The following TMEM255B variants were observed in gnomAD, a reference collection of about 807,000 sequenced individuals.
TMEM255B encodes the protein family with sequence similarity 70, member B.
Under a neutral mutation model 34.5 loss-of-function variants are expected in TMEM255B, and 35 were observed. The ratio of observed to expected loss-of-function variants is 1.01; its 90% CI spans 0.77 to 1.34. The LOEUF is 1.34. TMEM255B is among the 40% of genes most tolerant of loss of function. TMEM255B has a pLI of 0.00. For synonymous variants in TMEM255B, 206 were observed against 201.2 expected (o/e 1.02, Z -0.20); for missense variants, 432 against 433.2 (o/e 1.00, Z 0.02).
rs2050454385 is a variant in TMEM255B at position 113,770,150 on chromosome 13, C to G, written c.252+990C>G. Among the ~76,000 whole-genome samples the G allele has an allele frequency of 6.6e-6, 1 of 152,188 alleles. No homozygotes were observed. Among genetic ancestry groups the G allele is most frequent in the Non-Finnish European group, 1.5e-5 (1 of 68,036 alleles). On this transcript the variant is annotated intron_variant, in intron 3 of 8. Coordinates refer to ENST00000375353, the MANE Select transcript of TMEM255B (RefSeq NM_182614.4). This position sits in a 1 kb window ranked among gnomAD's most constrained non-coding sequence, Gnocchi z 4.6. ...AGGTTTAATTGAACTCACAGTTCCA[C>G]GTGGCTGGGGAAGCCTCACGATCAC...
At chr13:113,808,200 G>C (rs935600580) in intron 8 of TMEM255B, among the ~76,000 whole-genome samples, 4 of 152,160 alleles carry the variant, frequency 2.6e-5, no homozygotes, top group African/African-American at 9.7e-5. Flanking sequence ...TCCCACTTGA[G>C]ACAGTGGGGG....
At chr13:113,796,484 CACACACACT>C (rs1454755872) in intron 4 of TMEM255B, among the ~76,000 whole-genome samples, 1 of 137,146 alleles carries the variant, frequency 7.3e-6, no homozygotes, top group Non-Finnish European at 1.6e-5. Context: ...GAGCACACAC[CACACACACT>C]ACACACACCA....
rs1020379897 is a variant in TMEM255B at position 113,813,223 on chromosome 13, A to C, written c.*1320A>C. On this transcript the variant is annotated 3_prime_UTR_variant, in exon 9 of 9. Transcript: ENST00000375353. ...TCCCCAGACGTGCCACAAGACACCAAGTCGCCGTCTCTGCTCTGTGGGCCG... is the reference window on the plus strand; with the variant it reads ...TCCCCAGACGTGCCACAAGACACCACGTCGCCGTCTCTGCTCTGTGGGCCG... 3 of 152,160 alleles carry C rather than the reference A, an allele frequency of 2.0e-5. No individual in the cohort carries two copies. The highest frequency in any genetic ancestry group is 1.3e-4 in the Admixed American group (2 of 15,286). The allele number at this position is 152,160 out of a possible 1,614,324, so 9.4% of individuals were successfully genotyped here.
Position 113,812,081 on chromosome 13 carries a change from G to A in TMEM255B, c.*178G>A. 2.5e-6 allele frequency: 2 copies of A among 801,736 alleles called. No homozygotes were observed. Among genetic ancestry groups the A allele is most frequent in the Non-Finnish European group, 3.8e-6 (2 of 521,324 alleles). 49.7% of individuals were successfully genotyped at this position (801,736 alleles called of 1,614,324 possible). ...GGGAGGCTGGAACCAGGCAGGGAGT[G>A]GGGCCCTCCAGACCCAGGCTGGTGA... is the stretch of plus-strand genomic sequence containing the variant. On this transcript the variant is annotated 3_prime_UTR_variant, in exon 9 of 9. Transcript: ENST00000375353.
intron 4 of TMEM255B, among the ~76,000 whole-genome samples, chr13:113,797,199 G>C (rs1392394468): frequency 1.3e-5 from 2 of 152,266 alleles, no homozygotes; most frequent in Admixed American, 6.5e-5. Flanking sequence ...AAGTGTGGGA[G>C]CCTCTTGGTT....
chr13:113,812,045 C>A lies in TMEM255B; in HGVS notation c.*142C>A. 4.4e-6 allele frequency: 5 copies of A among 1,124,470 alleles called. No homozygotes were observed. The highest frequency in any genetic ancestry group is 5.0e-6 in the Non-Finnish European group (4 of 795,050). The allele number at this position is 1,124,470 out of a possible 1,614,324, so 69.7% of individuals were successfully genotyped here. ...TCTGTCCCCTCCTTTCCTCCCTGGG[C>A]ACACTGGTGAGGGAGGCTGGAACCA... On this transcript the variant is annotated 3_prime_UTR_variant, in exon 9 of 9. Transcript: ENST00000375353.
chr13:113,789,227 T>G (rs1363988649), intron 3 of TMEM255B, among the ~76,000 whole-genome samples: 3 of 152,088 alleles, frequency 2.0e-5, no homozygotes, highest in Admixed American at 1.3e-4. Context: ...CAGAGGCATT[T>G]GAAGGTGACC....
intron 2 of TMEM255B, chr13:113,768,239 T>C (rs965856413): frequency 8.5e-6 from 4 of 470,068 alleles, no homozygotes; most frequent in South Asian, 3.1e-5. Context: ...GGCAGGTCCA[T>C]GTTGGCTGCT....
At chr13:113,775,910 A>AG in intron 3 of TMEM255B, among the ~76,000 whole-genome samples, 1 of 152,172 alleles carries the variant, frequency 6.6e-6, no homozygotes, top group East Asian at 1.9e-4. Flanking sequence ...GCGGCCCCAC[A>AG]GGTGGCTTGA....
rs766792698 is a variant in TMEM255B at position 113,804,962 on chromosome 13, C to T, written c.747C>T (p.Ala249=). The change falls in exon 8 of 9, where the codon GCC becomes GCT. Residue 249 remains alanine (A), a synonymous_variant. Coordinates refer to ENST00000375353, the MANE Select transcript of TMEM255B (RefSeq NM_182614.4). Reference sequence around the variant, plus strand: ...ACAACCCCGCCCAGCAGATCCTGGCCTACGCAGGCTTCCGCCTGACGCCCG... The same window carrying T: ...ACAACCCCGCCCAGCAGATCCTGGCTTACGCAGGCTTCCGCCTGACGCCCG... ...TLYNPAQQIL[A]YAGFRLTPEP... 2 of 1,606,824 alleles carry T rather than the reference C, an allele frequency of 1.2e-6. No homozygotes were observed. The highest frequency in any genetic ancestry group is 3.3e-5 in the Admixed American group (2 of 59,974).
chr13:113,801,713 G>C lies in TMEM255B; in HGVS notation c.570G>C (p.Leu190=). The C allele has an allele frequency of 2.5e-6, 4 of 1,612,704 alleles. No individual in the cohort carries two copies. The highest frequency in any genetic ancestry group is 3.4e-6 in the Non-Finnish European group (4 of 1,179,706). The change falls in exon 7 of 9, where the codon CTG becomes CTC. Residue 190 remains leucine (L), a synonymous_variant. Coordinates refer to ENST00000375353, the MANE Select transcript of TMEM255B (RefSeq NM_182614.4). ...GCGTCAGCGGCTGCCAGGACGTGCT[G>C]CACCTGTACCGCCTGCTCTGGGCCT... ...FIGVSGCQDV[L]HLYRLLWASA...
In TMEM255B at chr13:113,805,040, A is replaced by G. The variant is rs1285214541; in HGVS notation, c.813+12A>G. 6.3e-6 allele frequency: 10 copies of G among 1,589,166 alleles called. No homozygotes were observed. Among genetic ancestry groups the G allele is most frequent in the Non-Finnish European group, 8.6e-6 (10 of 1,169,362 alleles). On this transcript the variant is annotated intron_variant, in intron 8 of 8. Transcript: ENST00000375353. ...CTCTGCCCCTTCAGGTAGGGCCAGC[A>G]TCACCTGCTGGAGTTGGACGCGCTG...
intron 8 of TMEM255B, among the ~76,000 whole-genome samples, chr13:113,807,808 G>C (rs1339247525): frequency 2.7e-4 from 25 of 93,194 alleles, no homozygotes; most frequent in Middle Eastern, 0.011. Flanking sequence ...CCCTATCACA[G>C]GAGGGCTTAC....
chr13:113,816,594 T>A lies in TMEM255B; in HGVS notation c.*4691T>A, dbSNP rs2051404893. The stretch of plus-strand genomic sequence containing the variant: ...CATCACCCTCGCCACACAGAGCAGC[T>A]CCTCCTGCAGACTTGGGGACCCCGT... On this transcript the variant is annotated 3_prime_UTR_variant, in exon 9 of 9. Coordinates refer to ENST00000375353, the MANE Select transcript of TMEM255B (RefSeq NM_182614.4). 1 of 152,246 alleles carries A rather than the reference T, an allele frequency of 6.6e-6. No individual in the cohort carries two copies. Among genetic ancestry groups the A allele is most frequent in the Non-Finnish European group, 1.5e-5 (1 of 68,164 alleles). The allele number at this position is 152,246 out of a possible 1,614,324, so 9.4% of individuals were successfully genotyped here. A position where few individuals can be genotyped will look rare whatever the true frequency, so the allele number is the denominator to read the frequency against.
At chr13:113,786,638 ATCATCACTG>A (rs2050750201) in intron 3 of TMEM255B, among the ~76,000 whole-genome samples, 1 of 53,722 alleles carries the variant, frequency 1.9e-5, no homozygotes, top group African/African-American at 4.2e-5. Flanking sequence ...CATCATCACC[ATCATCACTG>A]TCGTTACCCT....
chr13:113,784,302 A>G (rs772434719), intron 3 of TMEM255B, among the ~76,000 whole-genome samples: 8 of 152,124 alleles, frequency 5.3e-5, no homozygotes, highest in Non-Finnish European at 1.0e-4. Flanking sequence ...AATTAACCTG[A>G]GAAGAGACTG....
chr13:113,791,757 CT>C (rs1038004672), intron 3 of TMEM255B, among the ~76,000 whole-genome samples: 32 of 152,222 alleles, frequency 2.1e-4, no homozygotes, highest in Admixed American at 2.1e-3. Context: ...ATCTTTAAGT[CT>C]TTTTTCCTTC....
At position 113,816,397 on chromosome 13, in the gene TMEM255B, C is replaced by T. The variant is rs2051403383; in HGVS notation, c.*4494C>T. On this transcript the variant is annotated 3_prime_UTR_variant, in exon 9 of 9. Coordinates refer to ENST00000375353, the MANE Select transcript of TMEM255B (RefSeq NM_182614.4). ...GCCCCGTGGATGGACTGACCACCGA[C>T]CCATGCTCTGCACTCATGAGGCGTG... 1 of 160,238 alleles carries T rather than the reference C, an allele frequency of 6.2e-6. No individual in the cohort carries two copies. The highest frequency in any genetic ancestry group is 1.4e-4 in the South Asian group (1 of 7,172). 9.9% of individuals were successfully genotyped at this position (160,238 alleles called of 1,614,324 possible). A position where few individuals can be genotyped will look rare whatever the true frequency, so the allele number is the denominator to read the frequency against.
intron 3 of TMEM255B, among the ~76,000 whole-genome samples, chr13:113,785,956 G>A (rs1241515059): frequency 2.0e-5 from 3 of 152,230 alleles, no homozygotes; most frequent in Non-Finnish European, 4.4e-5. Context: ...GATTCCTCCA[G>A]TGGAGTCTGA....
Sources: gnomAD v4.1 joint callset for allele counts (sites outside exome capture counted in the v4.1 genomes callset) on GRCh38, gnomAD v4.1.1 for gene constraint, Gnocchi (gnomAD v3.1) non-coding constraint, MANE v1.5 for transcripts, NCBI Gene and HGNC (gene_info 2026-07-23, HGNC 2026-07-21) for gene names.